Variants in PPP4R2 observed in about 807,000 individuals in gnomAD.
The protein encoded by PPP4R2 is serine/threonine-protein phosphatase 4 regulatory subunit 2.
PPP4R2 carries 13 observed loss-of-function variants against 47.2 expected under a neutral mutation model. The ratio of observed to expected loss-of-function variants is 0.28; its 90% CI spans 0.18 to 0.44. The LOEUF (loss-of-function observed/expected upper bound fraction) is 0.44. PPP4R2 is among the 20% of genes least tolerant of loss of function. The probability of loss-of-function intolerance (pLI) is 1.00; values close to 1 mark genes in which losing one functional copy is unlikely to be tolerated. For synonymous variants in PPP4R2, 151 were observed against 163.3 expected, an observed-to-expected ratio of 0.92 and a Z score of 0.57; for missense variants, 421 against 491.2, an observed-to-expected ratio of 0.86 and a Z score of 1.35.
chr3:73,055,976 A>G (rs1702725098), intron 3 of PPP4R2, among the ~76,000 whole-genome samples: 1 of 152,128 alleles, frequency 6.6e-6, no homozygotes, highest in Non-Finnish European at 1.5e-5. Flanking sequence ...AAATTTAAGG[A>G]TTTCTGAATA....
At chr3:73,052,054 C>T (rs1022755317) in intron 3 of PPP4R2, among the ~76,000 whole-genome samples, 1 of 151,842 alleles carries the variant, frequency 6.6e-6, no homozygotes, top group South Asian at 2.1e-4. Flanking sequence ...GAGTGAGTGC[C>T]TGAATATAGT....
chr3:73,012,902 CTTTTTTT>C (rs202207828), intron 2 of PPP4R2, among the ~76,000 whole-genome samples: 1 of 120,510 alleles, frequency 8.3e-6, no homozygotes, highest in Non-Finnish European at 1.8e-5. Context: ...AGAATGTAGG[CTTTTTTT>C]TTTTTTTTTT....
intron 2 of PPP4R2, among the ~76,000 whole-genome samples, chr3:73,038,088 G>A (rs1026158562): frequency 3.9e-5 from 6 of 152,152 alleles, no homozygotes; most frequent in Admixed American, 3.9e-4. Context: ...GGATAGATCA[G>A]TCCCTTTTGA....
At chr3:73,044,805 C>T (rs1309924162) in intron 2 of PPP4R2, among the ~76,000 whole-genome samples, 19 of 152,112 alleles carry the variant, frequency 1.2e-4, no homozygotes, top group Admixed American at 1.2e-3. Flanking sequence ...ATTGGGTCAT[C>T]TTTTTTGTTA....
chr3:73,054,599 G>A (rs1702691204), intron 3 of PPP4R2, among the ~76,000 whole-genome samples: 1 of 151,880 alleles, frequency 6.6e-6, no homozygotes. Context: ...AAACAAAAGT[G>A]AATGACTGTT....
chr3:73,015,365 C>T (rs1263106248), intron 2 of PPP4R2, among the ~76,000 whole-genome samples: 1 of 151,732 alleles, frequency 6.6e-6, no homozygotes, highest in Non-Finnish European at 1.5e-5. Context: ...TTAGTAGAGA[C>T]AGGGTTTTGC....
At chr3:73,018,381 C>A (rs968088534) in intron 2 of PPP4R2, among the ~76,000 whole-genome samples, 1 of 91,040 alleles carries the variant, frequency 1.1e-5, no homozygotes, top group Non-Finnish European at 2.5e-5. Flanking sequence ...CTAAAGTATA[C>A]CAAGGGATGA....
At chr3:73,060,273 A>G (rs1031823682) in intron 4 of PPP4R2, among the ~76,000 whole-genome samples, 1 of 152,206 alleles carries the variant, frequency 6.6e-6, no homozygotes, top group African/African-American at 2.4e-5. Flanking sequence ...AAGGCCAGGA[A>G]ACTGAGATGG....
chr3:73,013,514 C>A (rs533659822), intron 2 of PPP4R2, among the ~76,000 whole-genome samples: 1 of 152,128 alleles, frequency 6.6e-6, no homozygotes, highest in Non-Finnish European at 1.5e-5. Context: ...TATACTGTTA[C>A]CTATTTCTTG....
chr3:73,041,281 ATC>A (rs1396479580), intron 2 of PPP4R2, among the ~76,000 whole-genome samples: 1 of 152,184 alleles, frequency 6.6e-6, no homozygotes, highest in East Asian at 1.9e-4. Context: ...ATGTAAAAGA[ATC>A]TCTTGTTTCG....
intron 2 of PPP4R2, among the ~76,000 whole-genome samples, chr3:73,025,580 GTT>G (rs1250398401): frequency 6.6e-6 from 1 of 152,168 alleles, no homozygotes; most frequent in Admixed American, 6.5e-5. Context: ...AACTTAAAAA[GTT>G]TATTTCTGAC....
At chr3:73,022,962 CA>C (rs1701989469) in intron 2 of PPP4R2, among the ~76,000 whole-genome samples, 1 of 152,022 alleles carries the variant, frequency 6.6e-6, no homozygotes, top group Non-Finnish European at 1.5e-5. Flanking sequence ...TGGTGTGTTT[CA>C]GGTAAGAAAA....
intron 3 of PPP4R2, among the ~76,000 whole-genome samples, chr3:73,049,096 G>GA (rs540276949): frequency 5.6e-4 from 85 of 151,440 alleles, no homozygotes; most frequent in Admixed American, 2.0e-3. Flanking sequence ...TCAGAAAAAG[G>GA]AAAAAAAACA....
In PPP4R2 at chr3:73,068,853, A is replaced by G. The variant is rs1008176038; in HGVS notation, c.*3131A>G. 1 of 152,256 alleles carries G rather than the reference A, an allele frequency of 6.6e-6. No homozygotes were observed. The highest frequency in any genetic ancestry group is 6.5e-5 in the Admixed American group (1 of 15,290). 9.4% of individuals were successfully genotyped at this position (152,256 alleles called of 1,614,324 possible). A position where few individuals can be genotyped will look rare whatever the true frequency, so the allele number is the denominator to read the frequency against. On this transcript the variant is annotated 3_prime_UTR_variant, in exon 9 of 9. Coordinates refer to ENST00000356692, the MANE Select transcript of PPP4R2 (RefSeq NM_174907.4). Reference sequence around the variant, plus strand: ...CATGGTAAGGATGAAAATGCAACTTACAAAACCAAAGGAATTAAAAATTTT... The same window carrying G: ...CATGGTAAGGATGAAAATGCAACTTGCAAAACCAAAGGAATTAAAAATTTT...
intron 2 of PPP4R2, among the ~76,000 whole-genome samples, chr3:73,012,377 G>T (rs1292064054): frequency 6.6e-6 from 1 of 152,040 alleles, no homozygotes; most frequent in Non-Finnish European, 1.5e-5. Flanking sequence ...TCAGCTCACT[G>T]CAACCTCTGG....
chr3:73,053,499 C>T (rs952866780), intron 3 of PPP4R2, among the ~76,000 whole-genome samples: 2 of 152,076 alleles, frequency 1.3e-5, no homozygotes, highest in Non-Finnish European at 2.9e-5. Context: ...TATAGGAACT[C>T]CAAGAGATGA....
chr3:73,021,887 TGC>T (rs1276433504), intron 2 of PPP4R2, among the ~76,000 whole-genome samples: 3 of 66,132 alleles, frequency 4.5e-5, no homozygotes, highest in Non-Finnish European at 6.0e-5. Context: ...TGTGTATATA[TGC>T]ATATATATAT....
chr3:73,015,112 C>T (rs1398093256), intron 2 of PPP4R2: 1 of 440,078 alleles, frequency 2.3e-6, no homozygotes, highest in Admixed American at 3.9e-5. Context: ...ACTCTGAGAT[C>T]TCAGAAATGT....
chr3:73,009,294 A>G (rs766014725), intron 2 of PPP4R2, among the ~76,000 whole-genome samples: 8 of 152,190 alleles, frequency 5.3e-5, no homozygotes, highest in East Asian at 1.9e-4. Flanking sequence ...AGTGTCTGAT[A>G]ATAATATGAG....
Sources: allele counts gnomAD v4.1 joint callset (sites outside exome capture counted in the v4.1 genomes callset), GRCh38; gene constraint gnomAD v4.1.1; transcripts MANE v1.5; gene names NCBI Gene and HGNC (gene_info 2026-07-23, HGNC 2026-07-21).